Variants in MARCHF1 observed in about 807,000 individuals in gnomAD.
The protein encoded by MARCHF1 is membrane associated ring-CH-type finger 1.
A neutral mutation model predicts 54.2 loss-of-function variants in MARCHF1; 40 were observed. That is an observed-to-expected ratio of 0.74 (90% CI 0.57 to 0.96). The LOEUF (loss-of-function observed/expected upper bound fraction) is 0.96, where lower values mean the gene tolerates loss of function less well. Ranked by LOEUF, MARCHF1 falls within the 40% of genes least tolerant of loss-of-function variation. The pLI is 0.00. For synonymous variants in MARCHF1, 236 were observed against 236.3 expected, an observed-to-expected ratio of 1.00 and a Z score of 0.01; for missense variants, 586 against 656.5, an observed-to-expected ratio of 0.89 and a Z score of 1.17.
chr4:164,188,929 CA>C (rs1731050809), intron 1 of MARCHF1: 2 of 762,552 alleles, frequency 2.6e-6, no homozygotes, highest in African/African-American at 3.4e-5. Flanking sequence ...GCGAAGCAAC[CA>C]AAGATATTGG....
intron 2 of MARCHF1, among the ~76,000 whole-genome samples, chr4:163,996,454 T>C (rs1429399202): frequency 1.3e-5 from 2 of 152,092 alleles, no homozygotes; most frequent in Non-Finnish European, 2.9e-5. Context: ...TTGGTTAAAA[T>C]AATTGTCCTG....
At position 163,528,586 on chromosome 4, in the gene MARCHF1, G is replaced by C. The variant is rs533930082; in HGVS notation, c.*162C>G. On this transcript the variant is annotated 3_prime_UTR_variant, in exon 10 of 10. Transcript: ENST00000514618. ...TCATGGGCTCCTGGGCATTTGGTCT[G>C]TTTGTTTTTCTCCTTTCCTCTTTGA... 1.1e-3 allele frequency: 731 copies of C among 691,350 alleles called. 9 individuals are homozygous for C. The South Asian group carries it at 0.014, about 14-fold the overall frequency. The allele number at this position is 691,350 out of a possible 1,614,324, so 42.8% of individuals were successfully genotyped here. A position where few individuals can be genotyped will look rare whatever the true frequency, so the allele number is the denominator to read the frequency against.
At chr4:163,533,989 T>A (rs1185946672) in intron 9 of MARCHF1, among the ~76,000 whole-genome samples, 1 of 152,004 alleles carries the variant, frequency 6.6e-6, no homozygotes, top group African/African-American at 2.4e-5. Context: ...CTGCCTGATT[T>A]CTCTCATCCA....
At chr4:164,171,906 G>T (rs1373046923) in intron 1 of MARCHF1, among the ~76,000 whole-genome samples, 1 of 152,162 alleles carries the variant, frequency 6.6e-6, no homozygotes, top group Non-Finnish European at 1.5e-5. Flanking sequence ...TATTAAGAAT[G>T]ACATTTTGAT....
chr4:164,302,497 G>A (rs1171215665), intron 1 of MARCHF1, among the ~76,000 whole-genome samples: 2 of 152,100 alleles, frequency 1.3e-5, no homozygotes, highest in Non-Finnish European at 2.9e-5. Flanking sequence ...CTAAAAGGTT[G>A]AGAAAGGTTG....
chr4:163,574,099 C>T (rs1445370795), intron 8 of MARCHF1, among the ~76,000 whole-genome samples: 1 of 152,130 alleles, frequency 6.6e-6, no homozygotes, highest in African/African-American at 2.4e-5. Context: ...TTTTTGGCTG[C>T]ATAAATGTCT....
chr4:163,806,339 A>C (rs984773263), intron 4 of MARCHF1, among the ~76,000 whole-genome samples: 6 of 152,328 alleles, frequency 3.9e-5, no homozygotes, highest in African/African-American at 1.4e-4. Context: ...AAAAAAGGAA[A>C]CAAAGTCAAA....
chr4:163,840,793 G>C (rs1262022807), intron 4 of MARCHF1, among the ~76,000 whole-genome samples: 1 of 151,924 alleles, frequency 6.6e-6, no homozygotes, highest in East Asian at 1.9e-4. Flanking sequence ...CCAACACAGA[G>C]ATACATACTC....
intron 1 of MARCHF1, among the ~76,000 whole-genome samples, chr4:164,137,985 G>C (rs1187743864): frequency 6.6e-6 from 1 of 152,080 alleles, no homozygotes; most frequent in Non-Finnish European, 1.5e-5. Context: ...TTTATTCATT[G>C]CTTTACTCCT....
rs1560923762 is a variant in MARCHF1 at position 163,528,643 on chromosome 4, AAGG to A, written c.*102_*104del. 4 of 1,183,272 alleles carry A rather than the reference AAGG, an allele frequency of 3.4e-6. No homozygotes were observed. Among genetic ancestry groups the A allele is most frequent in the Non-Finnish European group, 4.7e-6 (4 of 845,612 alleles). 73.3% of individuals were successfully genotyped at this position (1,183,272 alleles called of 1,614,324 possible). ...TCAGGAAAAATGTGTCAGTAGGAGA[AAGG>A]AGGAGCTGAAGGGAGTAAATAATTC... On this transcript the variant is annotated 3_prime_UTR_variant, in exon 10 of 10. Transcript: ENST00000514618.
chr4:164,026,943 A>G (rs1753780529), intron 2 of MARCHF1, among the ~76,000 whole-genome samples: 1 of 152,128 alleles, frequency 6.6e-6, no homozygotes. Context: ...TACACTAATC[A>G]TGGTCAAGCT....
intron 4 of MARCHF1, among the ~76,000 whole-genome samples, chr4:163,723,941 G>A (rs943246519): frequency 1.3e-5 from 2 of 152,204 alleles, no homozygotes; most frequent in East Asian, 3.9e-4. Flanking sequence ...TTTTTTCAAG[G>A]TTTTTAGCTT....
intron 3 of MARCHF1, among the ~76,000 whole-genome samples, chr4:163,953,058 AT>A (rs1752164747): frequency 6.6e-6 from 1 of 152,122 alleles, no homozygotes. Context: ...TTCACCTGCC[AT>A]TTTTTGACCT....
At chr4:164,007,368 A>G (rs1429357038) in intron 2 of MARCHF1, among the ~76,000 whole-genome samples, 5 of 149,528 alleles carry the variant, frequency 3.3e-5, no homozygotes, top group East Asian at 1.9e-4. Flanking sequence ...AAAAAAAAAA[A>G]AAAGAAAGAA....
intron 7 of MARCHF1, among the ~76,000 whole-genome samples, chr4:163,598,313 G>C (rs544232875): frequency 6.6e-6 from 1 of 152,244 alleles, no homozygotes; most frequent in South Asian, 2.1e-4. Flanking sequence ...TTGTCTCCTT[G>C]TCCTTTCAGG....
At chr4:163,874,639 A>G (rs1750250988) in intron 3 of MARCHF1, among the ~76,000 whole-genome samples, 1 of 152,230 alleles carries the variant, frequency 6.6e-6, no homozygotes, top group Non-Finnish European at 1.5e-5. Context: ...TATACCAGAC[A>G]TGAACTCATG....
At chr4:163,763,396 G>C (rs937654826) in intron 4 of MARCHF1, among the ~76,000 whole-genome samples, 1 of 151,954 alleles carries the variant, frequency 6.6e-6, no homozygotes, top group African/African-American at 2.4e-5. Context: ...TATTTACCAA[G>C]GTTTACCAAA....
chr4:163,889,321 A>C (rs1164049818), intron 3 of MARCHF1, among the ~76,000 whole-genome samples: 2 of 152,160 alleles, frequency 1.3e-5, no homozygotes, highest in Non-Finnish European at 2.9e-5. Flanking sequence ...AGGAAACTGA[A>C]AGGTTAATAT....
intron 3 of MARCHF1, among the ~76,000 whole-genome samples, chr4:163,854,701 A>G (rs372865646): frequency 6.6e-6 from 1 of 152,196 alleles, no homozygotes; most frequent in Admixed American, 6.5e-5. Flanking sequence ...CTGCAAGTAT[A>G]ATAAATTAAG....
Sources: gnomAD v4.1 joint callset for allele counts (sites outside exome capture counted in the v4.1 genomes callset) on GRCh38, gnomAD v4.1.1 for gene constraint, MANE v1.5 for transcripts, NCBI Gene and HGNC (gene_info 2026-07-23, HGNC 2026-07-21) for gene names.